The following PTBP2 variants were observed in gnomAD, a reference collection of about 807,000 sequenced individuals.
PTBP2 encodes the protein polypyrimidine tract binding protein 2.
PTBP2 carries 13 observed loss-of-function variants against 61.4 expected under a neutral mutation model. The observed-to-expected ratio is 0.21, with a 90% CI of 0.14 to 0.34. The LOEUF (loss-of-function observed/expected upper bound fraction) is 0.34. PTBP2 is among the 10% of genes least tolerant of loss of function. The pLI, the probability that PTBP2 is intolerant of heterozygous loss-of-function variation, is 1.00. For missense variants in PTBP2, 405 were observed against 642.6 expected (o/e 0.63, Z 4.00); for synonymous variants, 215 against 218.5 (o/e 0.98, Z 0.14).
intron 5 of PTBP2, among the ~76,000 whole-genome samples, chr1:96,776,418 A>G (rs1456411079): frequency 1.3e-5 from 2 of 152,038 alleles, no homozygotes; most frequent in Non-Finnish European, 2.9e-5. Flanking sequence ...TGACTAATAC[A>G]TAAATTTATA....
At chr1:96,756,961 A>G (rs1167811433) in intron 3 of PTBP2, among the ~76,000 whole-genome samples, 6 of 152,150 alleles carry the variant, frequency 3.9e-5, no homozygotes, top group Admixed American at 6.5e-5. Context: ...GTGTAGGTTC[A>G]TCAGTTGTAA....
At chr1:96,794,071 G>A (rs181656349) in intron 8 of PTBP2, among the ~76,000 whole-genome samples, 1 of 152,258 alleles carries the variant, frequency 6.6e-6, no homozygotes, top group African/African-American at 2.4e-5. Flanking sequence ...GATCCATTAT[G>A]TTTACCCATT....
At chr1:96,723,509 A>G (rs554433762) in intron 1 of PTBP2, 55 bp from the exon 2 acceptor site, 1 of 1,485,034 alleles carries the variant, frequency 6.7e-7, no homozygotes, top group Admixed American at 1.7e-5. Flanking sequence ...AGAGCCAAAG[A>G]GTGAGTGATT....
intron 5 of PTBP2, among the ~76,000 whole-genome samples, chr1:96,773,052 G>T (rs1001136082): frequency 2.5e-4 from 38 of 151,052 alleles, no homozygotes; most frequent in African/African-American, 9.0e-4. Flanking sequence ...TGAACCCGGG[G>T]GGGTGGAGCT....
chr1:96,805,156 T>G (rs1350070527), intron 9 of PTBP2, among the ~76,000 whole-genome samples: 1 of 152,154 alleles, frequency 6.6e-6, no homozygotes, highest in Non-Finnish European at 1.5e-5. Context: ...TATCTATATA[T>G]GTATATTTTT....
intron 2 of PTBP2, among the ~76,000 whole-genome samples, chr1:96,727,558 G>C (rs920192521): frequency 6.6e-6 from 1 of 152,048 alleles, no homozygotes; most frequent in Non-Finnish European, 1.5e-5. Context: ...TTTAATGCCT[G>C]TTATCTTCTG....
intron 8 of PTBP2, among the ~76,000 whole-genome samples, chr1:96,797,979 C>T (rs867042934): frequency 6.8e-6 from 1 of 146,396 alleles, no homozygotes; most frequent in South Asian, 2.2e-4. Context: ...GGGAGGCTGA[C>T]GCAGGAGAAA....
intron 3 of PTBP2, among the ~76,000 whole-genome samples, chr1:96,758,071 CAT>C (rs1655365738): frequency 1.3e-5 from 2 of 151,854 alleles, no homozygotes; most frequent in Non-Finnish European, 2.9e-5. Flanking sequence ...AATAGTATAA[CAT>C]AAATAATATA....
chr1:96,750,834 G>A (rs1433141809), intron 2 of PTBP2, among the ~76,000 whole-genome samples: 1 of 152,018 alleles, frequency 6.6e-6, no homozygotes, highest in Non-Finnish European at 1.5e-5. Flanking sequence ...GAACAACTGT[G>A]CAGTTACCGA....
At chr1:96,724,658 T>C (rs1366153751) in intron 2 of PTBP2, among the ~76,000 whole-genome samples, 1 of 140,570 alleles carries the variant, frequency 7.1e-6, no homozygotes, top group African/African-American at 2.6e-5. Context: ...TTTCGAATTC[T>C]TAAAATTGTA....
At chr1:96,734,601 A>G (rs1651890647) in intron 2 of PTBP2, among the ~76,000 whole-genome samples, 1 of 151,142 alleles carries the variant, frequency 6.6e-6, no homozygotes, top group African/African-American at 2.4e-5. Flanking sequence ...GTTGCATTTC[A>G]TTTGTTGAAG....
At chr1:96,796,426 G>A (rs1660398468) in intron 8 of PTBP2, among the ~76,000 whole-genome samples, 2 of 152,122 alleles carry the variant, frequency 1.3e-5, no homozygotes, top group Non-Finnish European at 2.9e-5. Context: ...TGAAAGAAGT[G>A]AGGATTTTGA....
intron 2 of PTBP2, among the ~76,000 whole-genome samples, chr1:96,732,291 T>G (rs778939900): frequency 6.6e-6 from 1 of 152,144 alleles, no homozygotes; most frequent in Non-Finnish European, 1.5e-5. Context: ...AAACTTTGGG[T>G]TTTTAGGTTT....
At chr1:96,771,739 T>C (rs948578957) in intron 5 of PTBP2, among the ~76,000 whole-genome samples, 4 of 152,188 alleles carry the variant, frequency 2.6e-5, no homozygotes, top group African/African-American at 9.6e-5. Flanking sequence ...TTTTAACTTA[T>C]TTTTAACAAA....
chr1:96,724,488 C>A (rs1375617481), intron 2 of PTBP2, among the ~76,000 whole-genome samples: 1 of 151,890 alleles, frequency 6.6e-6, no homozygotes, highest in East Asian at 1.9e-4. Context: ...ACCTCATGAT[C>A]TGCCTGCCTC....
intron 3 of PTBP2, among the ~76,000 whole-genome samples, chr1:96,767,926 C>T (rs1242123485): frequency 6.6e-6 from 1 of 151,996 alleles, no homozygotes; most frequent in Non-Finnish European, 1.5e-5. Flanking sequence ...GAAGCCAGAG[C>T]TTACTCTTCT....
rs1214479749 is a variant in PTBP2 at position 96,787,095 on chromosome 1, A to G, written c.904+1841A>G. On this transcript the variant is annotated intron_variant, in intron 8 of 13. Coordinates refer to ENST00000674951, the MANE Select transcript of PTBP2 (RefSeq NM_021190.4). ...GAGTGTGGTGGCGCAGTCTCGGCTC[A>G]CTGCAACTTCCGCCTCCCGGGTTCA... Among the ~76,000 whole-genome samples, 3 of 152,110 alleles carry G rather than the reference A, an allele frequency of 2.0e-5. No individual in the cohort carries two copies. In the East Asian group the frequency reaches 5.8e-4, roughly 29 times the overall value.
intron 3 of PTBP2, among the ~76,000 whole-genome samples, chr1:96,768,871 CT>C (rs1657053692): frequency 2.6e-5 from 4 of 151,944 alleles, no homozygotes; most frequent in Non-Finnish European, 5.9e-5. Flanking sequence ...TATGGATTGA[CT>C]GCATTATCAT....
intron 2 of PTBP2, among the ~76,000 whole-genome samples, chr1:96,731,813 ATTC>A (rs1651458392): frequency 6.6e-6 from 1 of 152,128 alleles, no homozygotes; most frequent in Non-Finnish European, 1.5e-5. Flanking sequence ...GGCTTTTTAT[ATTC>A]TTCGTAATTT....
Sources: gnomAD v4.1 joint callset for allele counts (sites outside exome capture counted in the v4.1 genomes callset) on GRCh38, gnomAD v4.1.1 for gene constraint, MANE v1.5 for transcripts, NCBI Gene and HGNC (gene_info 2026-07-23, HGNC 2026-07-21) for gene names.